CCDC57: variants seen among roughly 807,000 people sequenced by gnomAD.
The protein encoded by CCDC57 is coiled-coil domain-containing protein 57.
A neutral mutation model predicts 118.9 loss-of-function variants in CCDC57; 118 were observed. The ratio of observed to expected loss-of-function variants is 0.99; its 90% CI spans 0.86 to 1.16. The LOEUF (loss-of-function observed/expected upper bound fraction) is 1.16, where lower values mean the gene tolerates loss of function less well. Among genes scored for constraint, CCDC57 ranks in the 50% most tolerant of loss-of-function variants. CCDC57 has a pLI of 0.00. For missense variants in CCDC57, 1,300 were observed against 1,320.7 expected, an observed-to-expected ratio of 0.98 and a Z score of 0.24; for synonymous variants, 527 against 532.9, an observed-to-expected ratio of 0.99 and a Z score of 0.15.
chr17:82,163,981 A>C (rs2043661008), intron 13 of CCDC57, among the ~76,000 whole-genome samples: 1 of 152,176 alleles, frequency 6.6e-6, no homozygotes, highest in Admixed American at 6.5e-5. Flanking sequence ...TCAAGGTTAC[A>C]GTGAGCTATG....
chr17:82,155,085 C>T (rs1193779493), intron 15 of CCDC57: 1 of 152,310 alleles, frequency 6.6e-6, no homozygotes, highest in Non-Finnish European at 1.5e-5. Context: ...TGCGACCCGC[C>T]CAGAGGCGCG....
At chr17:82,125,575 C>T (rs2037309578) in intron 19 of CCDC57, among the ~76,000 whole-genome samples, 1 of 152,064 alleles carries the variant, frequency 6.6e-6, no homozygotes, top group African/African-American at 2.4e-5. Context: ...GGGGTTTCAC[C>T]ATGTTGGCCA....
At chr17:82,150,695 A>G (rs376279170) in intron 16 of CCDC57, among the ~76,000 whole-genome samples, 3 of 58,994 alleles carry the variant, frequency 5.1e-5, no homozygotes, top group African/African-American at 6.9e-5. Flanking sequence ...AGAACCAGGC[A>G]CACACTCAGA....
chr17:82,133,468 G>GT (rs908871656), intron 17 of CCDC57, among the ~76,000 whole-genome samples: 24 of 143,520 alleles, frequency 1.7e-4, no homozygotes, highest in African/African-American at 4.9e-4. Flanking sequence ...GAAGTTTTTG[G>GT]TTTTTTTTTC....
intron 16 of CCDC57, among the ~76,000 whole-genome samples, chr17:82,139,688 C>CT (rs1247562933): frequency 7.5e-6 from 1 of 133,230 alleles, no homozygotes; most frequent in African/African-American, 2.7e-5. Flanking sequence ...TCTGATGCTC[C>CT]CCAGAAAGCT....
At position 82,204,558 on chromosome 17, in the gene CCDC57, C is replaced by T. The variant is rs555497003; in HGVS notation, c.-8-2606G>A. 3.3e-3 allele frequency among the ~76,000 whole-genome samples: 501 copies of T among 152,170 alleles called. 11 individuals carry two copies. The highest frequency in any genetic ancestry group is 0.02 in the Admixed American group (304 of 15,298). ...CAGGACTTTGGGAGGCCGAGGCGGGCGGATCATAAGGTCAGGAGATTGAGA... is the reference window on the plus strand; with the variant it reads ...CAGGACTTTGGGAGGCCGAGGCGGGTGGATCATAAGGTCAGGAGATTGAGA... On this transcript the variant is annotated intron_variant, in intron 2 of 19. Coordinates refer to ENST00000665763, the Ensembl canonical transcript of CCDC57.
At chr17:82,174,972 G>A (rs185316662) in intron 11 of CCDC57, among the ~76,000 whole-genome samples, 6 of 152,262 alleles carry the variant, frequency 3.9e-5, no homozygotes, top group South Asian at 4.2e-4. Context: ...AGAGTGTGGC[G>A]TCTTCTCTAA....
At chr17:82,151,760 C>T in exon 16 of CCDC57, 1 of 1,550,086 alleles carries the variant, frequency 6.5e-7, no homozygotes, top group Non-Finnish European at 8.7e-7. Context: ...CATAGGCCCT[C>T]TCTTGGTGAG....
rs1381382355 is a variant in CCDC57 at position 82,212,464 on chromosome 17, C to T, written c.-211+321G>A. On this transcript the variant is annotated intron_variant, in intron 1 of 19. Coordinates refer to ENST00000665763, the Ensembl canonical transcript of CCDC57. This position sits in a 1 kb window ranked among gnomAD's most constrained non-coding sequence, Gnocchi z 4.1. Reference sequence around the variant, plus strand: ...TGCCTGGGCGCGGAGCCGTCCTTGCCGGCGGCGGAACCCGGGGAATTCTCC... The same window carrying T: ...TGCCTGGGCGCGGAGCCGTCCTTGCTGGCGGCGGAACCCGGGGAATTCTCC... Among the ~76,000 whole-genome samples, 1 of 148,868 alleles carries T rather than the reference C, an allele frequency of 6.7e-6. No individual in the cohort carries two copies. The highest frequency in any genetic ancestry group is 2.5e-5 in the African/African-American group (1 of 40,318).
At chr17:82,159,674 CTTTT>C (rs67809116) in intron 14 of CCDC57, among the ~76,000 whole-genome samples, 5 of 142,422 alleles carry the variant, frequency 3.5e-5, no homozygotes, top group Admixed American at 2.8e-4. Flanking sequence ...TTGTCATTTT[CTTTT>C]TTTTTTTTTT....
At position 82,143,107 on chromosome 17, in the gene CCDC57, C is replaced by T. The variant is rs1039283568; in HGVS notation, c.2455+8453G>A. Reference sequence around the variant, plus strand: ...ATCCCATGAGGCGGAGGTTGTAGATCGCGCCATTGCACTCTACAATGGCAA... The same window carrying T: ...ATCCCATGAGGCGGAGGTTGTAGATTGCGCCATTGCACTCTACAATGGCAA... On this transcript the variant is annotated intron_variant, in intron 16 of 19. Transcript: ENST00000665763. Among the ~76,000 whole-genome samples the T allele has an allele frequency of 7.9e-5, 12 of 151,376 alleles. No individual in the cohort carries two copies. The East Asian group carries it at 9.8e-4, about 12-fold the overall frequency.
chr17:82,196,910 TCG>T (rs1190463909), intron 4 of CCDC57, among the ~76,000 whole-genome samples: 3 of 126,718 alleles, frequency 2.4e-5, no homozygotes, highest in Non-Finnish European at 1.6e-5. Context: ...ACGCAGCCCC[TCG>T]TGACTCCTGC....
At position 82,172,753 on chromosome 17, in the gene CCDC57, C is replaced by T. The variant is rs756419823; in HGVS notation, c.1614G>A (p.Met538Ile). 1.2e-6 allele frequency: 2 copies of T among 1,610,722 alleles called. No homozygotes were observed. Among genetic ancestry groups the T allele is most frequent in the East Asian group, 4.5e-5 (2 of 44,836 alleles). ...GGCTTAGAGCCTCCATTTCTTTCCT[C>T]ATCTGGGCAATCGCGTTTCGCAAGC... The change falls in exon 12 of 20, where the codon ATG becomes ATA. Residue 538 changes from methionine to isoleucine, a missense_variant. Coordinates refer to ENST00000665763, the Ensembl canonical transcript of CCDC57. This position sits in a 1 kb window ranked among gnomAD's most constrained non-coding sequence, Gnocchi z 5.2.
intron 19 of CCDC57, chr17:82,107,402 CCTG>C (rs1159812319): frequency 4.3e-6 from 2 of 468,002 alleles, no homozygotes; most frequent in Admixed American, 4.7e-5. Context: ...TGCCTCGAAC[CCTG>C]CTGTGTGGCT....
chr17:82,134,425 T>C (rs1343593947), intron 16 of CCDC57: 15 of 377,044 alleles, frequency 4.0e-5, no homozygotes, highest in African/African-American at 6.2e-5. Context: ...GCCCTTGCTG[T>C]CCTCACAGCG....
chr17:82,183,081 C>T (rs1788759673), intron 9 of CCDC57, among the ~76,000 whole-genome samples: 2 of 152,310 alleles, frequency 1.3e-5, no homozygotes, highest in Admixed American at 6.5e-5. Flanking sequence ...CATCAGGGTC[C>T]TCCCTTGACA....
chr17:82,163,358 C>T lies in CCDC57; in HGVS notation c.1883-1G>A. The T allele has an allele frequency of 6.2e-7, 1 of 1,613,882 alleles. No homozygotes were observed. ...GCTTGACCAGCTTGGGCAGACCCTC[C>T]TGCAGAGAAGAGTGGCTTCTGTCAG... is the stretch of plus-strand genomic sequence containing the variant. On this transcript the variant is annotated splice_acceptor_variant, in intron 13 of 19. Transcript: ENST00000665763. LOFTEE classifies it high-confidence loss of function.
chr17:82,119,690 G>A (rs1052011376), intron 19 of CCDC57, among the ~76,000 whole-genome samples: 5 of 151,922 alleles, frequency 3.3e-5, no homozygotes, highest in African/African-American at 1.2e-4. Flanking sequence ...GTGCACAGGG[G>A]TTGGGGGGCA....
rs147266848 is a variant in CCDC57 at position 82,104,327 on chromosome 17, C to T, written c.2900-2461G>A. Among the ~76,000 whole-genome samples the T allele has an allele frequency of 9.4e-4, 143 of 152,332 alleles. 1 individual carries two copies. The East Asian group carries it at 0.025, about 27-fold the overall frequency. On this transcript the variant is annotated intron_variant, in intron 19 of 19. Coordinates refer to ENST00000665763, the Ensembl canonical transcript of CCDC57. ...TCTTGGGTCCTGCACCCCTCCCCCA[C>T]GGGCTGCTTGTGCTCTGGCCCCGAA... is the stretch of plus-strand genomic sequence containing the variant.
Sources: gnomAD v4.1 joint callset for allele counts (sites outside exome capture counted in the v4.1 genomes callset) on GRCh38, gnomAD v4.1.1 for gene constraint, Gnocchi (gnomAD v3.1) non-coding constraint, MANE v1.5 for transcripts, NCBI Gene and HGNC (gene_info 2026-07-23, HGNC 2026-07-21) for gene names.